Variants in ARHGAP6 observed in about 807,000 individuals in gnomAD.
The protein encoded by ARHGAP6 is Rho GTPase activating protein 6, also known as rho GTPase-activating protein 6.
In ARHGAP6, 16 loss-of-function variants were observed where a neutral mutation model predicts 55.7. That is an observed-to-expected ratio of 0.29 (90% CI 0.19 to 0.44). ARHGAP6 has a LOEUF of 0.44. ARHGAP6 is among the 20% of genes least tolerant of loss of function. The pLI, the probability that ARHGAP6 is intolerant of heterozygous loss-of-function variation, is 1.00. For synonymous variants in ARHGAP6, 382 were observed against 360.9 expected (o/e 1.06, Z -0.66); for missense variants, 698 against 808.9 (o/e 0.86, Z 1.66).
intron 1 of ARHGAP6, among the ~76,000 whole-genome samples, chrX:11,600,491 G>C (rs2051956114): frequency 8.9e-6 from 1 of 112,429 alleles, no homozygotes; most frequent in Non-Finnish European, 1.9e-5. Flanking sequence ...CTTGTTTGCT[G>C]AAGCCTGCCT....
chrX:11,434,360 T>C (rs1278050517), intron 1 of ARHGAP6, among the ~76,000 whole-genome samples: 1 of 110,906 alleles, frequency 9.0e-6, no homozygotes, highest in East Asian at 2.8e-4. Context: ...AGCAGAAGAG[T>C]AGAGCTGAGC....
intron 2 of ARHGAP6, among the ~76,000 whole-genome samples, chrX:11,245,147 A>G (rs1321966949): frequency 8.9e-6 from 1 of 112,115 alleles, no homozygotes; most frequent in Admixed American, 9.4e-5. Context: ...ACCAAAGTCA[A>G]CTTGGACAGA....
At chrX:11,266,949 C>T (rs2047634671) in intron 1 of ARHGAP6, among the ~76,000 whole-genome samples, 1 of 111,705 alleles carries the variant, frequency 9.0e-6, no homozygotes, top group Non-Finnish European at 1.9e-5. Flanking sequence ...AATTTTAAAG[C>T]AGTAAAATAT....
intron 9 of ARHGAP6, among the ~76,000 whole-genome samples, chrX:11,156,974 T>A (rs978575554): frequency 1.8e-5 from 2 of 112,530 alleles, no homozygotes; most frequent in Admixed American, 9.4e-5. Flanking sequence ...TATTGCCCAA[T>A]GGGGGCACTT....
chrX:11,559,017 T>C (rs919589474), intron 1 of ARHGAP6, among the ~76,000 whole-genome samples: 4 of 105,526 alleles, frequency 3.8e-5, no homozygotes, highest in Non-Finnish European at 5.8e-5. Context: ...TTGTCTGCCC[T>C]GTCCACAGCT....
At chrX:11,438,848 C>T (rs752363829) in intron 1 of ARHGAP6, among the ~76,000 whole-genome samples, 2 of 112,404 alleles carry the variant, frequency 1.8e-5, no homozygotes, top group South Asian at 3.7e-4. Context: ...AACCTCTTGA[C>T]GCATATTTTG....
chrX:11,139,734 T>C (rs1022478774), intron 12 of ARHGAP6, among the ~76,000 whole-genome samples: 12 of 112,216 alleles, frequency 1.1e-4, no homozygotes, highest in Admixed American at 9.4e-4. Context: ...TTTTTGATTA[T>C]CGGCTCAATT....
At chrX:11,296,138 A>G (rs2048080223) in intron 1 of ARHGAP6, among the ~76,000 whole-genome samples, 1 of 112,581 alleles carries the variant, frequency 8.9e-6, no homozygotes, top group Non-Finnish European at 1.9e-5. Flanking sequence ...TAATGTTTCC[A>G]CTTTGCTCCA....
At chrX:11,222,057 GATT>G (rs1296914372) in intron 2 of ARHGAP6, among the ~76,000 whole-genome samples, 1 of 111,563 alleles carries the variant, frequency 9.0e-6, no homozygotes, top group African/African-American at 3.3e-5. Flanking sequence ...TCTCTAAAAT[GATT>G]ATTTTCTATT....
rs1395403128 is a variant in ARHGAP6, at chrX:11,427,850, AG to A, written c.589-173144del. ...GAGGAGGAGGAGGAGGAGGAGGAGG[AG>A]GAGGAGGAGGAGGGAGCGGCCGAGT... On this transcript the variant is annotated intron_variant, in intron 1 of 12. Transcript: ENST00000337414. 6 of 600,336 alleles carry A rather than the reference AG, an allele frequency of 1.0e-5. No individual in the cohort carries two copies. In the African/African-American group the frequency reaches 1.3e-4, roughly 13 times the overall value. 49.5% of individuals were successfully genotyped at this position (600,336 alleles called of 1,213,427 possible). A position where few individuals can be genotyped will look rare whatever the true frequency, so the allele number is the denominator to read the frequency against.
chrX:11,460,155 T>C (rs201639206), intron 1 of ARHGAP6, among the ~76,000 whole-genome samples: 2 of 111,054 alleles, frequency 1.8e-5, no homozygotes, highest in East Asian at 2.8e-4. Context: ...TAAGACTCCA[T>C]AGTAGCCTAC....
intron 1 of ARHGAP6, among the ~76,000 whole-genome samples, chrX:11,506,392 C>T (rs1000331962): frequency 3.2e-4 from 35 of 109,773 alleles, no homozygotes; most frequent in Non-Finnish European, 5.9e-4. Context: ...CGTCCCCTAG[C>T]CCCCCACCCC....
chrX:11,204,264 C>T (rs760765049), intron 2 of ARHGAP6, among the ~76,000 whole-genome samples: 44 of 111,948 alleles, frequency 3.9e-4, no homozygotes, highest in Admixed American at 1.2e-3. Flanking sequence ...CTCTTCTCCA[C>T]GCAGCAATTC....
At chrX:11,310,286 A>G (rs1050449728) in intron 1 of ARHGAP6, among the ~76,000 whole-genome samples, 2 of 110,337 alleles carry the variant, frequency 1.8e-5, no homozygotes, top group African/African-American at 6.6e-5. Context: ...CCAAATGTTA[A>G]ACATACATTT....
At chrX:11,195,505 A>G (rs2046520514) in intron 3 of ARHGAP6, among the ~76,000 whole-genome samples, 2 of 111,572 alleles carry the variant, frequency 1.8e-5, no homozygotes, top group Admixed American at 1.9e-4. Flanking sequence ...GACACAAAAC[A>G]GTAAGATGAG....
chrX:11,312,483 G>T (rs890238357), intron 1 of ARHGAP6, among the ~76,000 whole-genome samples: 2 of 111,710 alleles, frequency 1.8e-5, no homozygotes, highest in Non-Finnish European at 3.8e-5. Flanking sequence ...TTATGGAGCT[G>T]ACTATCCAGC....
chrX:11,396,715 A>C (rs758204637), intron 1 of ARHGAP6, among the ~76,000 whole-genome samples: 1 of 111,509 alleles, frequency 9.0e-6, no homozygotes, highest in South Asian at 3.8e-4. Flanking sequence ...TACATTAGGG[A>C]AGCCTATACA....
chrX:11,236,737 G>T (rs1369735336), intron 2 of ARHGAP6, among the ~76,000 whole-genome samples: 2 of 112,485 alleles, frequency 1.8e-5, no homozygotes, highest in Non-Finnish European at 3.8e-5. Context: ...CTGAAAATCA[G>T]AGAATTAACG....
chrX:11,297,538 T>G (rs1201643738), intron 1 of ARHGAP6, among the ~76,000 whole-genome samples: 2 of 112,475 alleles, frequency 1.8e-5, no homozygotes, highest in Non-Finnish European at 3.8e-5. Flanking sequence ...TTGTATCGAT[T>G]AAATGCCGTA....
Sources: gnomAD v4.1 joint callset for allele counts (sites outside exome capture counted in the v4.1 genomes callset) on GRCh38, gnomAD v4.1.1 for gene constraint, MANE v1.5 for transcripts, NCBI Gene and HGNC (gene_info 2026-07-23, HGNC 2026-07-21) for gene names.